Variants in RERG observed in about 807,000 individuals in gnomAD.
RERG encodes the protein RAS like estrogen regulated growth inhibitor.
A neutral mutation model predicts 23.2 loss-of-function variants in RERG; 25 were observed. That is an observed-to-expected ratio of 1.08 (90% CI 0.79 to 1.50). The LOEUF (loss-of-function observed/expected upper bound fraction) is 1.50. RERG is among the 40% of genes most tolerant of loss of function. The probability of loss-of-function intolerance (pLI) is 0.00; values close to 1 mark genes in which losing one functional copy is unlikely to be tolerated. For missense variants in RERG, 253 were observed against 250.1 expected (o/e 1.01, Z -0.08); for synonymous variants, 81 against 89.1 (o/e 0.91, Z 0.51).
At chr12:15,209,740 C>A (rs1438337040) in intron 2 of RERG, among the ~76,000 whole-genome samples, 1 of 152,088 alleles carries the variant, frequency 6.6e-6, no homozygotes, top group Non-Finnish European at 1.5e-5. Context: ...TTCTAATGGT[C>A]ATTTCATTTT....
At chr12:15,177,372 G>A (rs904399204) in intron 2 of RERG, among the ~76,000 whole-genome samples, 5 of 152,112 alleles carry the variant, frequency 3.3e-5, no homozygotes, top group East Asian at 1.9e-4. Flanking sequence ...AAAATCACTC[G>A]AACCCAGGAG....
intron 2 of RERG, among the ~76,000 whole-genome samples, chr12:15,207,510 T>C (rs1471962227): frequency 2.6e-5 from 4 of 152,130 alleles, no homozygotes; most frequent in African/African-American, 7.2e-5. Flanking sequence ...GCCAACATTA[T>C]GTTGTCTCTT....
chr12:15,200,524 G>A (rs1865201379), intron 2 of RERG, among the ~76,000 whole-genome samples: 1 of 151,960 alleles, frequency 6.6e-6, no homozygotes, highest in South Asian at 2.1e-4. Context: ...GCAGATAAAA[G>A]ATCTCTAGTT....
intron 2 of RERG, among the ~76,000 whole-genome samples, chr12:15,193,104 A>C (rs1180025524): frequency 6.6e-6 from 1 of 152,028 alleles, no homozygotes; most frequent in East Asian, 1.9e-4. Flanking sequence ...CTACCCACTA[A>C]ATCTATTGAT....
chr12:15,211,462 T>A (rs543185828), intron 2 of RERG, among the ~76,000 whole-genome samples: 1 of 152,122 alleles, frequency 6.6e-6, no homozygotes. Context: ...CTCACTGATA[T>A]GTGGAATCTA....
chr12:15,209,123 T>C (rs778328599), intron 2 of RERG, among the ~76,000 whole-genome samples: 27 of 152,204 alleles, frequency 1.8e-4, no homozygotes, highest in Admixed American at 1.0e-3. Flanking sequence ...TGGCCTTCAG[T>C]AGCGGACAGC....
chr12:15,161,180 AAGAAAGAAAGAAAGAAAG>A (rs1864604042), intron 2 of RERG, among the ~76,000 whole-genome samples: 3 of 147,780 alleles, frequency 2.0e-5, no homozygotes, highest in African/African-American at 2.5e-5. Flanking sequence ...GAAAGAAAGA[AAGAAAGAAAGAAAGAAAG>A]AAAGAAAGAA....
At chr12:15,153,562 T>C (rs1324326380) in intron 2 of RERG, among the ~76,000 whole-genome samples, 1 of 152,208 alleles carries the variant, frequency 6.6e-6, no homozygotes, top group African/African-American at 2.4e-5. Flanking sequence ...AGAACCATAG[T>C]TCCTGGAAAA....
intron 2 of RERG, among the ~76,000 whole-genome samples, chr12:15,209,545 A>T (rs1865338792): frequency 6.6e-6 from 1 of 152,204 alleles, no homozygotes; most frequent in African/African-American, 2.4e-5. Flanking sequence ...GGCTATAAGA[A>T]ATAGAATACT....
At chr12:15,174,327 T>C (rs538552139) in intron 2 of RERG, among the ~76,000 whole-genome samples, 2 of 152,224 alleles carry the variant, frequency 1.3e-5, no homozygotes, top group East Asian at 3.9e-4. Context: ...AGCTAATTAT[T>C]AATCTTAATG....
intron 2 of RERG, among the ~76,000 whole-genome samples, chr12:15,181,906 G>A (rs1381498286): frequency 2.6e-5 from 4 of 152,068 alleles, no homozygotes; most frequent in East Asian, 1.9e-4. Flanking sequence ...GCAAACTCTG[G>A]GAGAATGTCA....
chr12:15,171,888 AC>A (rs1864783333), intron 2 of RERG, among the ~76,000 whole-genome samples: 1 of 151,960 alleles, frequency 6.6e-6, no homozygotes, highest in African/African-American at 2.4e-5. Flanking sequence ...TAGTTCTCCG[AC>A]TTTTTTGAAA....
chr12:15,183,073 C>T (rs1216195531), intron 2 of RERG, among the ~76,000 whole-genome samples: 1 of 151,604 alleles, frequency 6.6e-6, no homozygotes, highest in African/African-American at 2.4e-5. Flanking sequence ...AGAGAGAGAC[C>T]CTGGCCGAAA....
intron 2 of RERG, among the ~76,000 whole-genome samples, chr12:15,140,570 A>C (rs79883641): frequency 7.2e-6 from 1 of 139,676 alleles, no homozygotes; most frequent in African/African-American, 2.6e-5. Context: ...ATAATTTTTT[A>C]ACATTTCTTG....
chr12:15,139,237 C>T (rs1258044940), intron 2 of RERG, among the ~76,000 whole-genome samples: 1 of 151,968 alleles, frequency 6.6e-6, no homozygotes, highest in African/African-American at 2.4e-5. Flanking sequence ...TATAAATAAG[C>T]CTTGAAGTCT....
At chr12:15,159,947 A>C (rs954267906) in intron 2 of RERG, among the ~76,000 whole-genome samples, 10 of 152,226 alleles carry the variant, frequency 6.6e-5, no homozygotes, top group African/African-American at 2.2e-4. Context: ...CAATTAAGAA[A>C]ATTTTGATAT....
At position 15,181,202 on chromosome 12, in the gene RERG, C is replaced by T. The variant is rs74068753; in HGVS notation, c.61+36227G>A. Among the ~76,000 whole-genome samples the T allele has an allele frequency of 6.6e-3, 1,010 of 152,276 alleles. 9 individuals carry two copies. The highest frequency in any genetic ancestry group is 0.023 in the African/African-American group (943 of 41,540). Reference sequence around the variant, plus strand: ...TGGATAGTGGAGGCCCTTGGAGAGACTGATAATGACTGAGTCATGTGGATT... The same window carrying T: ...TGGATAGTGGAGGCCCTTGGAGAGATTGATAATGACTGAGTCATGTGGATT... On this transcript the variant is annotated intron_variant, in intron 2 of 4. Coordinates refer to ENST00000256953, the MANE Select transcript of RERG (RefSeq NM_032918.3).
chr12:15,114,271 C>T (rs1010497426), intron 3 of RERG, among the ~76,000 whole-genome samples: 4 of 151,966 alleles, frequency 2.6e-5, no homozygotes, highest in African/African-American at 9.7e-5. Context: ...GGGTTGACTA[C>T]ATTAAAATTA....
intron 2 of RERG, among the ~76,000 whole-genome samples, chr12:15,166,890 G>A (rs1172110104): frequency 6.7e-6 from 1 of 150,370 alleles, no homozygotes; most frequent in Non-Finnish European, 1.5e-5. Flanking sequence ...TAGGGTACAT[G>A]TGCACATTGT....
Sources: allele counts gnomAD v4.1 joint callset (sites outside exome capture counted in the v4.1 genomes callset), GRCh38; gene constraint gnomAD v4.1.1; transcripts MANE v1.5; gene names NCBI Gene and HGNC (gene_info 2026-07-23, HGNC 2026-07-21).